The following SLC26A5 variants were observed in gnomAD, a reference collection of about 807,000 sequenced individuals.
The protein encoded by SLC26A5 is prestin.
SLC26A5 carries 51 observed loss-of-function variants against 81.0 expected under a neutral mutation model. The observed-to-expected ratio is 0.63, with a 90% CI of 0.50 to 0.80. The LOEUF is 0.80. SLC26A5 is among the 30% of genes least tolerant of loss of function. The pLI is 0.00. For synonymous variants in SLC26A5, 325 were observed against 332.8 expected (o/e 0.98, Z 0.25); for missense variants, 771 against 905.8 (o/e 0.85, Z 1.91).
chr7:103,378,381 G>T (rs1388340148), intron 17 of SLC26A5, 65 bp downstream of exon 17: 1 of 1,459,964 alleles, frequency 6.8e-7, no homozygotes, highest in Non-Finnish European at 9.6e-7. Context: ...CTTCAGTCAT[G>T]AGTAAAGATG....
intron 6 of SLC26A5, 81 bp downstream of exon 6, chr7:103,411,339 G>T: frequency 6.4e-7 from 1 of 1,554,794 alleles, no homozygotes. Flanking sequence ...CCACCGTGTA[G>T]TAAGACCAGC....
At chr7:103,396,534 C>T (rs1343353947) in intron 9 of SLC26A5, among the ~76,000 whole-genome samples, 1 of 152,168 alleles carries the variant, frequency 6.6e-6, no homozygotes, top group African/African-American at 2.4e-5. Context: ...ACAATATAGA[C>T]AAACTCTGAA....
At chr7:103,437,826 T>A (rs990778573) in intron 2 of SLC26A5, among the ~76,000 whole-genome samples, 25 of 152,210 alleles carry the variant, frequency 1.6e-4, no homozygotes, top group African/African-American at 5.5e-4. Flanking sequence ...GTACAAAGTT[T>A]AAGATAGACA....
rs114516457 is a variant in SLC26A5 at position 103,418,859 on chromosome 7, C to A, written c.292+1879G>T. ...TCCCACTACCCAAATCCATTCCCCC[C>A]ACAGCAGTCTTCAGTGACCTCTTAC... On this transcript the variant is annotated intron_variant, in intron 4 of 19. Coordinates refer to ENST00000306312, the MANE Select transcript of SLC26A5 (RefSeq NM_198999.3). Among the ~76,000 whole-genome samples, 1,079 of 152,228 alleles carry A rather than the reference C, an allele frequency of 7.1e-3. 16 individuals carry two copies. Among genetic ancestry groups the A allele is most frequent in the African/African-American group, 0.024 (992 of 41,532 alleles).
chr7:103,368,277 A>G (rs752400875), intron 19 of SLC26A5: 4 of 462,536 alleles, frequency 8.6e-6, no homozygotes, highest in Non-Finnish European at 1.5e-5. Context: ...TAAGGATTTC[A>G]CATCATACAA....
intron 19 of SLC26A5, among the ~76,000 whole-genome samples, chr7:103,375,220 C>T (rs1413372916): frequency 6.6e-6 from 1 of 150,842 alleles, no homozygotes; most frequent in Non-Finnish European, 1.5e-5. Flanking sequence ...AATTTTTTTA[C>T]CACTACATCG....
intron 9 of SLC26A5, among the ~76,000 whole-genome samples, chr7:103,396,576 G>A (rs35766338): frequency 0.67 from 102,051 of 152,094 alleles, 37,450 homozygotes; most frequent in Middle Eastern, 0.82. Flanking sequence ...CGCCAGTCAC[G>A]AAAAGACAAA....
intron 14 of SLC26A5, among the ~76,000 whole-genome samples, chr7:103,388,174 A>G (rs1288932040): frequency 1.4e-5 from 2 of 147,524 alleles, no homozygotes; most frequent in East Asian, 4.0e-4. Flanking sequence ...GGTGTTAGCT[A>G]CTGTGCCCAG....
intron 19 of SLC26A5, 55 bp downstream of exon 19, chr7:103,376,753 T>C: frequency 2.5e-6 from 3 of 1,184,996 alleles, no homozygotes; most frequent in Non-Finnish European, 3.7e-6. Context: ...ATTATTTAAA[T>C]AAGAGAAACA....
intron 4 of SLC26A5, among the ~76,000 whole-genome samples, chr7:103,420,045 T>C (rs181875546): frequency 2.6e-5 from 4 of 152,314 alleles, no homozygotes; most frequent in African/African-American, 7.2e-5. Flanking sequence ...ATGAATAAGT[T>C]AATGAATATT....
chr7:103,408,049 T>C, intron 7 of SLC26A5, 46 bp from the exon 8 acceptor site: 1 of 1,612,584 alleles, frequency 6.2e-7, no homozygotes, highest in Non-Finnish European at 8.5e-7. Flanking sequence ...AAATCGCCCC[T>C]GAGAGAGACA....
chr7:103,361,510 C>CAAAA (rs759044767), intron 19 of SLC26A5, among the ~76,000 whole-genome samples: 23 of 51,048 alleles, frequency 4.5e-4, no homozygotes, highest in Admixed American at 7.2e-4. Context: ...AACTCCATCT[C>CAAAA]AAAAAAAAAA....
downstream of SLC26A5, among the ~76,000 whole-genome samples, chr7:103,373,093 C>A (rs771793476): frequency 7.9e-5 from 12 of 152,100 alleles, no homozygotes; most frequent in Non-Finnish European, 1.2e-4. Flanking sequence ...ACTAGACAAC[C>A]AACTCACAAA....
At chr7:103,440,204 A>C (rs1826776048) in intron 2 of SLC26A5, among the ~76,000 whole-genome samples, 1 of 152,216 alleles carries the variant, frequency 6.6e-6, no homozygotes, top group Non-Finnish European at 1.5e-5. Context: ...CTCTAGGAAG[A>C]AAGGAAGGAA....
At chr7:103,436,087 T>C (rs1231680379) in intron 2 of SLC26A5, among the ~76,000 whole-genome samples, 2 of 152,198 alleles carry the variant, frequency 1.3e-5, no homozygotes, top group African/African-American at 2.4e-5. Flanking sequence ...GGTAGAATTA[T>C]GAGTAATTTT....
At chr7:103,377,489 A>G in intron 18 of SLC26A5, 110 bp downstream of exon 18, 2 of 1,028,972 alleles carry the variant, frequency 1.9e-6, no homozygotes, top group Non-Finnish European at 3.0e-6. Flanking sequence ...CATAATCAAA[A>G]GGGGATAAAT....
intron 4 of SLC26A5, among the ~76,000 whole-genome samples, chr7:103,413,728 C>T (rs2116670006): frequency 6.6e-6 from 1 of 152,034 alleles, no homozygotes; most frequent in African/African-American, 2.4e-5. Context: ...AAGTGCAGGT[C>T]ACACCCTCTA....
intron 17 of SLC26A5, among the ~76,000 whole-genome samples, chr7:103,378,235 T>G (rs1821501241): frequency 6.6e-6 from 1 of 152,232 alleles, no homozygotes; most frequent in Admixed American, 6.5e-5. Context: ...GTAATTTTTA[T>G]TTTTTAAAAT....
chr7:103,364,839 G>A lies in SLC26A5; in HGVS notation c.2042-11913C>T, dbSNP rs575502818. On this transcript the variant is annotated intron_variant, in intron 19 of 19. Transcript: ENST00000339444. The stretch of plus-strand genomic sequence containing the variant: ...AAAGGGTGACATTTTCTACAGATGT[G>A]GCTTTTCTACGGAAATGCCTGGTAA... Among the ~76,000 whole-genome samples the A allele has an allele frequency of 4.6e-5, 7 of 151,848 alleles. No individual in the cohort carries two copies. The South Asian group carries it at 1.5e-3, about 32-fold the overall frequency.
Sources: gnomAD v4.1 joint callset for allele counts (sites outside exome capture counted in the v4.1 genomes callset) on GRCh38, gnomAD v4.1.1 for gene constraint, MANE v1.5 for transcripts, NCBI Gene and HGNC (gene_info 2026-07-23, HGNC 2026-07-21) for gene names.